The following GON4L variants were observed in gnomAD, a reference collection of about 807,000 sequenced individuals.
GON4L encodes GON-4-like protein.
In GON4L, 87 loss-of-function variants were observed where a neutral mutation model predicts 211.8. The ratio of observed to expected loss-of-function variants is 0.41; its 90% CI spans 0.35 to 0.49. The LOEUF is 0.49. Among genes scored for constraint, GON4L ranks in the 20% least tolerant of loss-of-function variants. The probability of loss-of-function intolerance (pLI) is 0.15; values close to 1 mark genes in which losing one functional copy is unlikely to be tolerated. For synonymous variants in GON4L, 875 were observed against 962.6 expected, an observed-to-expected ratio of 0.91 and a Z score of 1.68; for missense variants, 2,155 against 2,659.5, an observed-to-expected ratio of 0.81 and a Z score of 4.17.
chr1:155,856,219 CTT>C (rs1407007493), intron 1 of GON4L, among the ~76,000 whole-genome samples: 1 of 151,876 alleles, frequency 6.6e-6, no homozygotes, highest in East Asian at 1.9e-4. Context: ...TCTTTTCTTT[CTT>C]TCTCTCTCTC....
At chr1:155,752,753 T>C (rs1660741082) in intron 29 of GON4L, among the ~76,000 whole-genome samples, 163 bp from the exon 30 acceptor site, 1 of 151,976 alleles carries the variant, frequency 6.6e-6, no homozygotes. Flanking sequence ...GCCAAAGTGG[T>C]GGGACTGCCA....
chr1:155,788,622 G>A (rs1305707968), intron 12 of GON4L, among the ~76,000 whole-genome samples: 1 of 152,066 alleles, frequency 6.6e-6, no homozygotes, highest in East Asian at 1.9e-4. Flanking sequence ...ATAATCTGTA[G>A]TATATATACA....
intron 8 of GON4L, 73 bp from the exon 9 acceptor site, chr1:155,814,522 A>G: frequency 1.4e-6 from 2 of 1,431,330 alleles, no homozygotes; most frequent in Non-Finnish European, 2.0e-6. Context: ...GTATCTCAAG[A>G]GAAGGAATCA....
chr1:155,768,309 CA>C (rs71080724), intron 19 of GON4L, among the ~76,000 whole-genome samples: 6 of 112,644 alleles, frequency 5.3e-5, no homozygotes, highest in African/African-American at 1.0e-4. Flanking sequence ...GACTCCGTCT[CA>C]AAAAAAAAAA....
rs980295993 is a variant in GON4L at position 155,765,778 on chromosome 1, G to C, written c.3695C>G (p.Ala1232Gly). 1.2e-6 allele frequency: 2 copies of C among 1,614,178 alleles called. No individual in the cohort carries two copies. Among genetic ancestry groups the C allele is most frequent in the Non-Finnish European group, 1.7e-6 (2 of 1,180,030 alleles). Reference protein sequence around the residue: ...EDKAHVNVDIACAVADGENAF... With the variant: ...EDKAHVNVDIGCAVADGENAF... ...ATTTTCCCCATCAGCCACAGCACAA[G>C]CAATGTCCACATTCACGTGGGCCTT... The change falls in exon 21 of 32, where the codon GCT becomes GGT. Residue 1232 changes from alanine (A) to glycine (G), a missense_variant. Ala to Gly is a moderately conservative substitution (Grantham distance 60). This residue lies in a region of GON4L where 615 missense variants were observed against 625.7 expected (regional missense o/e 0.98). Transcript: ENST00000368331.
chr1:155,762,289 G>A lies in GON4L; in HGVS notation c.4812C>T (p.Asp1604=), dbSNP rs1157954671. Residue 1604 remains aspartate, a synonymous_variant, in exon 23 of 32, where the codon GAC becomes GAT. Transcript: ENST00000368331. ...CATACAGCAACAGCAGCTTGGAGGT[G>A]TCCTTGCTGGCCCGAGCCCGACTTC... ...KRGSRARASK[D]TSKLLLLYDE... is the part of the protein sequence containing the mutation. 7 of 1,613,370 alleles carry A rather than the reference G, an allele frequency of 4.3e-6. No individual in the cohort carries two copies. The highest frequency in any genetic ancestry group is 3.4e-6 in the Non-Finnish European group (4 of 1,179,630).
Position 155,812,588 on chromosome 1 carries a change from C to G in GON4L, c.1452+1046G>C, listed in dbSNP as rs532543502. 2.4e-3 allele frequency among the ~76,000 whole-genome samples: 360 copies of G among 149,770 alleles called. 1 individual carries two copies. Among genetic ancestry groups the G allele is most frequent in the African/African-American group, 8.6e-3 (348 of 40,684 alleles). On this transcript the variant is annotated intron_variant, in intron 10 of 31. Coordinates refer to ENST00000368331, the MANE Select transcript of GON4L (RefSeq NM_001282860.2). ...TTTTTTTTTTTGGGACAGAGTCTCT[C>G]TCCATTGCCCAGGCTGGAGTGCAGT...
downstream of GON4L, chr1:155,749,226 T>C (rs1395302039): frequency 2.0e-6 from 3 of 1,493,000 alleles, no homozygotes; most frequent in Admixed American, 2.0e-5. Context: ...CACTCCAGTC[T>C]GGGCAACAAG....
downstream of GON4L, chr1:155,748,309 A>G (rs184775996): frequency 1.5e-3 from 2,086 of 1,369,316 alleles, 5 homozygotes; most frequent in South Asian, 3.1e-3. Context: ...CCCCTGATTC[A>G]TCCCCTGGGT....
chr1:155,815,317 T>C (rs913563464), intron 8 of GON4L, among the ~76,000 whole-genome samples: 2 of 152,134 alleles, frequency 1.3e-5, no homozygotes, highest in African/African-American at 4.8e-5. Flanking sequence ...TGTTGAATTT[T>C]AAAAAGCTAG....
chr1:155,781,931 A>G (rs981578009), intron 14 of GON4L, among the ~76,000 whole-genome samples: 7 of 151,708 alleles, frequency 4.6e-5, no homozygotes, highest in African/African-American at 1.5e-4. Flanking sequence ...TAATTTTTGT[A>G]TTTTTAGTAG....
At chr1:155,771,277 C>T (rs1663165258) in intron 18 of GON4L, 60 bp from the exon 19 acceptor site, 2 of 1,603,690 alleles carry the variant, frequency 1.2e-6, no homozygotes, top group African/African-American at 2.7e-5. Context: ...AAGGGTCTCC[C>T]CAGACTAACA....
intron 11 of GON4L, among the ~76,000 whole-genome samples, chr1:155,803,525 G>C (rs1666877465): frequency 6.6e-6 from 1 of 152,182 alleles, no homozygotes; most frequent in Non-Finnish European, 1.5e-5. Context: ...TAATAGGTGT[G>C]AGCCACCACG....
At chr1:155,824,260 TAA>T (rs781068524) in intron 3 of GON4L, among the ~76,000 whole-genome samples, 2 of 136,134 alleles carry the variant, frequency 1.5e-5, no homozygotes, top group Non-Finnish European at 3.2e-5. Flanking sequence ...CTGTCTCTAC[TAA>T]AAAAAAAAAA....
intron 12 of GON4L, among the ~76,000 whole-genome samples, chr1:155,787,177 TG>T (rs1193088030): frequency 6.6e-6 from 1 of 152,162 alleles, no homozygotes; most frequent in Non-Finnish European, 1.5e-5. Context: ...CCCAAAATGC[TG>T]GGATTACAGG....
intron 6 of GON4L, among the ~76,000 whole-genome samples, chr1:155,817,923 G>GAAAAA (rs749238086): frequency 2.7e-5 from 2 of 74,212 alleles, no homozygotes; most frequent in African/African-American, 5.1e-5. Context: ...GCAAGTCACT[G>GAAAAA]AAAAAAAAAA....
intron 10 of GON4L, among the ~76,000 whole-genome samples, chr1:155,805,971 G>A (rs1048597935): frequency 6.9e-6 from 1 of 144,934 alleles, no homozygotes; most frequent in Non-Finnish European, 1.5e-5. Flanking sequence ...TTACAGCTGT[G>A]AGCCACCATG....
intron 12 of GON4L, among the ~76,000 whole-genome samples, chr1:155,785,951 C>T (rs995217562): frequency 1.3e-5 from 2 of 152,068 alleles, no homozygotes; most frequent in Non-Finnish European, 2.9e-5. Context: ...AAAAAATTAG[C>T]CAGCCGTGGT....
intron 10 of GON4L, among the ~76,000 whole-genome samples, chr1:155,806,667 G>A (rs977136319): frequency 6.6e-6 from 1 of 152,024 alleles, no homozygotes; most frequent in Non-Finnish European, 1.5e-5. Context: ...AGTGAGACAC[G>A]TACCACTGCA....
Sources: gnomAD v4.1 joint callset for allele counts (sites outside exome capture counted in the v4.1 genomes callset) on GRCh38, gnomAD v4.1.1 for gene constraint, gnomAD v4.1.1 regional missense constraint, MANE v1.5 for transcripts, NCBI Gene and HGNC (gene_info 2026-07-23, HGNC 2026-07-21) for gene names.